The following VWC2L variants were observed in gnomAD, a reference collection of about 807,000 sequenced individuals.
VWC2L encodes von Willebrand factor C domain-containing protein 2-like.
A neutral mutation model predicts 21.6 loss-of-function variants in VWC2L; 10 were observed. The observed-to-expected ratio is 0.46, with a 90% confidence interval of 0.29 to 0.78. VWC2L has a LOEUF of 0.78. VWC2L is among the 30% of genes least tolerant of loss of function. The pLI is 0.10. For synonymous variants in VWC2L, 96 were observed against 94.3 expected (o/e 1.02, Z -0.10); for missense variants, 209 against 277.1 (o/e 0.75, Z 1.74).
intron 3 of VWC2L, among the ~76,000 whole-genome samples, chr2:214,458,175 G>A (rs1703085319): frequency 6.6e-6 from 1 of 151,966 alleles, no homozygotes; most frequent in African/African-American, 2.4e-5. Context: ...TTCAGTCTTG[G>A]TAGGTTGTAT....
intron 3 of VWC2L, among the ~76,000 whole-genome samples, chr2:214,467,659 T>A (rs1009495256): frequency 1.3e-5 from 2 of 152,192 alleles, no homozygotes; most frequent in African/African-American, 4.8e-5. Flanking sequence ...CTTGTATTTT[T>A]TAACAGAGAT....
chr2:214,568,971 C>G lies in VWC2L; in HGVS notation c.521-6701C>G, dbSNP rs185274317. Among the ~76,000 whole-genome samples, 26 of 152,254 alleles carry G rather than the reference C, an allele frequency of 1.7e-4. No homozygotes were observed. In the East Asian group the frequency reaches 4.4e-3, roughly 26 times the overall value. On this transcript the variant is annotated intron_variant, in intron 3 of 3. Transcript: ENST00000312504. Reference sequence around the variant, plus strand: ...TCCAGCCCTTTTCTTCTCCCTCCCCCAGATCAAACTGCACATTTTTTCTAG... The same window carrying G: ...TCCAGCCCTTTTCTTCTCCCTCCCCGAGATCAAACTGCACATTTTTTCTAG...
intron 3 of VWC2L, among the ~76,000 whole-genome samples, chr2:214,553,646 C>T (rs980542700): frequency 1.3e-5 from 2 of 152,114 alleles, no homozygotes; most frequent in African/African-American, 4.8e-5. Flanking sequence ...ACTTAAAGAA[C>T]ATGTTTTATT....
chr2:214,524,741 T>G (rs73074614), intron 3 of VWC2L, among the ~76,000 whole-genome samples: 4,163 of 152,202 alleles, frequency 0.027, 164 homozygotes, highest in African/African-American at 0.087. Context: ...TTTTTCTCAC[T>G]AATGCCCTCG....
At chr2:214,547,682 T>A (rs1477006063) in intron 3 of VWC2L, among the ~76,000 whole-genome samples, 1 of 152,192 alleles carries the variant, frequency 6.6e-6, no homozygotes, top group Non-Finnish European at 1.5e-5. Context: ...CAGGATTCAA[T>A]AATTGAAGGG....
chr2:214,455,876 AT>A (rs201099378), intron 3 of VWC2L, among the ~76,000 whole-genome samples: 99 of 151,994 alleles, frequency 6.5e-4, no homozygotes, highest in African/African-American at 2.3e-3. Flanking sequence ...AAACTATGTC[AT>A]TTTTTTTATA....
intron 3 of VWC2L, among the ~76,000 whole-genome samples, chr2:214,468,077 C>T (rs1270590696): frequency 1.3e-5 from 2 of 151,884 alleles, no homozygotes; most frequent in Non-Finnish European, 1.5e-5. Context: ...GGTGCAGTGG[C>T]GCAATCTCAG....
chr2:214,506,705 C>T (rs911957741), intron 3 of VWC2L, among the ~76,000 whole-genome samples: 1 of 67,762 alleles, frequency 1.5e-5, no homozygotes, highest in African/African-American at 3.3e-5. Context: ...TTCGTAATAT[C>T]GAGTTAGAAT....
At chr2:214,445,320 AT>A (rs769312565) in intron 3 of VWC2L, among the ~76,000 whole-genome samples, 2 of 151,924 alleles carry the variant, frequency 1.3e-5, no homozygotes, top group Non-Finnish European at 2.9e-5. Flanking sequence ...AATAGCAACA[AT>A]TTGGAAAAAC....
chr2:214,563,752 T>C (rs1253657069), intron 3 of VWC2L, among the ~76,000 whole-genome samples: 2 of 151,968 alleles, frequency 1.3e-5, no homozygotes, highest in East Asian at 3.9e-4. Flanking sequence ...GGGCAAAAGC[T>C]GGAAGCACTC....
At chr2:214,488,724 G>T (rs1688707070) in intron 3 of VWC2L, among the ~76,000 whole-genome samples, 1 of 152,206 alleles carries the variant, frequency 6.6e-6, no homozygotes, top group African/African-American at 2.4e-5. Context: ...TGATTCTGCT[G>T]CCTGGAGGAC....
chr2:214,540,946 C>A (rs549732184), intron 3 of VWC2L, among the ~76,000 whole-genome samples: 13 of 152,266 alleles, frequency 8.5e-5, no homozygotes, highest in African/African-American at 3.1e-4. Flanking sequence ...TATTTTAGCC[C>A]TTTAATATCT....
intron 3 of VWC2L, among the ~76,000 whole-genome samples, chr2:214,490,768 G>A (rs895665859): frequency 6.6e-6 from 1 of 152,194 alleles, no homozygotes; most frequent in African/African-American, 2.4e-5. Flanking sequence ...TGAGGCTTAG[G>A]AGGAAGAGAG....
At chr2:214,487,280 T>A (rs1054774467) in intron 3 of VWC2L, among the ~76,000 whole-genome samples, 2 of 152,190 alleles carry the variant, frequency 1.3e-5, no homozygotes, top group African/African-American at 4.8e-5. Flanking sequence ...ATCTTGACAT[T>A]ACTTTCATCA....
At chr2:214,537,899 G>A (rs1212759296) in intron 3 of VWC2L, among the ~76,000 whole-genome samples, 5 of 88,340 alleles carry the variant, frequency 5.7e-5, no homozygotes, top group Non-Finnish European at 1.1e-4. Context: ...AAGGATAGTG[G>A]CCTTTTTTTT....
chr2:214,487,646 C>T (rs954715019), intron 3 of VWC2L, among the ~76,000 whole-genome samples: 10 of 152,078 alleles, frequency 6.6e-5, no homozygotes, highest in African/African-American at 2.4e-4. Flanking sequence ...AATGGGCCTT[C>T]CATGAAACTT....
At chr2:214,437,044 C>T (rs1702688973) in intron 3 of VWC2L, among the ~76,000 whole-genome samples, 1 of 152,094 alleles carries the variant, frequency 6.6e-6, no homozygotes. Context: ...GAACACAGTA[C>T]CATCCTTTTG....
chr2:214,563,546 C>CAAAAAAAAAAAAAAAAAAAAAAAAAAA lies in VWC2L; in HGVS notation c.521-12117_521-12091dup, dbSNP rs55864016. ...TGGGTGACACAGCAAGACTCCGTCT[C>CAAAAAAAAAAAAAAAAAAAAAAAAAAA]AAAAAAAAAAAAAAAAAAAAAAAAA... On this transcript the variant is annotated intron_variant, in intron 3 of 3. Transcript: ENST00000312504. 1.0e-4 allele frequency among the ~76,000 whole-genome samples: 10 copies of CAAAAAAAAAAAAAAAAAAAAAAAAAAA among 95,870 alleles called. 1 individual carries two copies. The highest frequency in any genetic ancestry group is 2.1e-4 in the African/African-American group (5 of 23,794). The allele number at this position is 95,870 out of a possible 152,430, so 62.9% of individuals were successfully genotyped here. A position where few individuals can be genotyped will look rare whatever the true frequency, so the allele number is the denominator to read the frequency against.
intron 3 of VWC2L, among the ~76,000 whole-genome samples, chr2:214,532,566 T>C (rs532483135): frequency 3.3e-5 from 5 of 152,288 alleles, no homozygotes; most frequent in East Asian, 1.9e-4. Context: ...GTATTGAAAT[T>C]AGGAGACAAG....
Sources: allele counts gnomAD v4.1 joint callset (sites outside exome capture counted in the v4.1 genomes callset), GRCh38; gene constraint gnomAD v4.1.1; transcripts MANE v1.5; gene names NCBI Gene and HGNC (gene_info 2026-07-23, HGNC 2026-07-21).